Variants in CDHR3 observed in about 807,000 individuals in gnomAD.
CDHR3 encodes cadherin related family member 3.
In CDHR3, 79 loss-of-function variants were observed where a neutral mutation model predicts 86.6. The ratio of observed to expected loss-of-function variants is 0.91; its 90% confidence interval spans 0.76 to 1.10. The LOEUF is 1.10. Ranked by LOEUF, CDHR3 falls within the 50% of genes least tolerant of loss-of-function variation. The pLI is 0.00. For missense variants in CDHR3, 1,081 were observed against 1,077.6 expected (o/e 1.00, Z -0.04); for synonymous variants, 421 against 402.4 (o/e 1.05, Z -0.55).
At chr7:105,988,320 C>T (rs571496511) in intron 4 of CDHR3, among the ~76,000 whole-genome samples, 15 of 152,264 alleles carry the variant, frequency 9.9e-5, no homozygotes, top group South Asian at 6.2e-4. Context: ...CAAACCTCCC[C>T]GGTGATTCTG....
At position 106,020,503 on chromosome 7, in the gene CDHR3, T is replaced by C. The variant is rs1563298470; in HGVS notation, c.1784T>C (p.Leu595Pro). Residue 595 changes from leucine to proline, a missense_variant, in exon 13 of 19, where the codon CTT becomes CCT. Leu to Pro is a moderately conservative substitution (Grantham distance 98, BLOSUM62 -3). Coordinates refer to ENST00000317716, the MANE Select transcript of CDHR3 (RefSeq NM_152750.5). ...AATTTCAAGCTGACATGTACCGACC[T>C]TGATTCCAGCCCCAGATCTTTCCGT... The part of the protein sequence containing the change: ...IQNFKLTCTD[L>P]DSSPRSFRYS... 6.2e-7 allele frequency: 1 copy of C among 1,613,976 alleles called. No homozygotes were observed. Among genetic ancestry groups the C allele is most frequent in the Admixed American group, 1.7e-5 (1 of 60,020 alleles).
intron 2 of CDHR3, among the ~76,000 whole-genome samples, chr7:105,977,264 T>C (rs1297914494): frequency 6.6e-6 from 1 of 152,258 alleles, no homozygotes; most frequent in African/African-American, 2.4e-5. Context: ...TTCAGTCTCC[T>C]GATTTCCAGT....
intron 7 of CDHR3, among the ~76,000 whole-genome samples, chr7:106,003,989 C>CAAAAAAAAAAAAAAAAAAAAAAGAAAA (rs1833588298): frequency 1.3e-5 from 1 of 79,950 alleles, no homozygotes. Flanking sequence ...CCAACCTAAC[C>CAAAAAAAAAAAAAAAAAAAAAAGAAAA]AAAAAAAAAA....
chr7:106,010,003 G>A (rs1160502635), intron 8 of CDHR3, among the ~76,000 whole-genome samples: 1 of 152,198 alleles, frequency 6.6e-6, no homozygotes, highest in Non-Finnish European at 1.5e-5. Context: ...GGCGTTTAGG[G>A]GAAGAATACC....
intron 15 of CDHR3, among the ~76,000 whole-genome samples, chr7:106,026,395 G>A (rs557030445): frequency 6.6e-6 from 1 of 152,294 alleles, no homozygotes; most frequent in East Asian, 1.9e-4. Flanking sequence ...GTCCTCACCA[G>A]GTTTTCTCAT....
chr7:105,986,833 G>T (rs1206480466), intron 4 of CDHR3, among the ~76,000 whole-genome samples: 11 of 152,140 alleles, frequency 7.2e-5, no homozygotes, highest in Admixed American at 7.2e-4. Flanking sequence ...CTTCAGGGGA[G>T]AAAGTTGGGA....
At chr7:105,988,407 G>A (rs956560055) in intron 4 of CDHR3, among the ~76,000 whole-genome samples, 31 of 152,222 alleles carry the variant, frequency 2.0e-4, no homozygotes, top group Admixed American at 1.7e-3. Context: ...GCACATGCCT[G>A]AAGCGACCTA....
intron 6 of CDHR3, among the ~76,000 whole-genome samples, chr7:105,998,622 T>C (rs1832640786): frequency 6.6e-6 from 1 of 152,112 alleles, no homozygotes; most frequent in South Asian, 2.1e-4. Context: ...TGAAACCCTG[T>C]TTCTACTAAA....
intron 2 of CDHR3, among the ~76,000 whole-genome samples, chr7:105,979,377 C>A (rs919010195): frequency 4.6e-5 from 7 of 152,064 alleles, no homozygotes; most frequent in Non-Finnish European, 2.9e-5. Context: ...CCTCTTTTTC[C>A]CCCCTCGACA....
chr7:106,030,946 C>T lies in CDHR3; in HGVS notation c.2353+106C>T, dbSNP rs958366167. The T allele has an allele frequency of 5.4e-5, 62 of 1,143,768 alleles. No homozygotes were observed. Among genetic ancestry groups the T allele is most frequent in the Admixed American group, 1.4e-4 (7 of 49,786 alleles). 70.9% of individuals were successfully genotyped at this position (1,143,768 alleles called of 1,614,324 possible). ...CTGCTTTTAGCTCATTTTGTCAATC[C>T]GTTTGGCTATGTTGCCTATATAGTG... is the stretch of plus-strand genomic sequence containing the variant. On this transcript the variant is annotated intron_variant, in intron 18 of 18. Transcript: ENST00000317716. The surrounding 1 kb of genome is among the most constrained non-coding windows in gnomAD (Gnocchi z 4.8).
intron 3 of CDHR3, 63 bp downstream of exon 3, chr7:105,981,196 C>A: frequency 6.8e-7 from 1 of 1,476,416 alleles, no homozygotes; most frequent in Admixed American, 2.2e-5. Flanking sequence ...CCCTGGGGGA[C>A]AGAGAGAAAC....
intron 6 of CDHR3, among the ~76,000 whole-genome samples, chr7:106,001,138 C>T (rs1216801563): frequency 6.6e-6 from 1 of 152,130 alleles, no homozygotes; most frequent in African/African-American, 2.4e-5. Context: ...GCTGGATAGG[C>T]CACCTGTCCT....
chr7:105,969,262 G>A (rs1827513440), intron 1 of CDHR3, among the ~76,000 whole-genome samples: 1 of 150,624 alleles, frequency 6.6e-6, no homozygotes, highest in Non-Finnish European at 1.5e-5. Context: ...AGCCGGGCGA[G>A]GTGGCGGGCG....
chr7:105,983,885 C>G (rs953504130), intron 3 of CDHR3, among the ~76,000 whole-genome samples: 11 of 152,158 alleles, frequency 7.2e-5, no homozygotes, highest in Admixed American at 3.9e-4. Flanking sequence ...TACTTCCCAA[C>G]TCTCTGCCCT....
rs1838789770 is a variant in CDHR3 at position 106,034,984 on chromosome 7, C to T, written c.*2287C>T. Among the ~76,000 whole-genome samples the T allele has an allele frequency of 6.6e-6, 1 of 151,310 alleles. No individual in the cohort carries two copies. The highest frequency in any genetic ancestry group is 1.5e-5 in the Non-Finnish European group (1 of 67,960). On this transcript the variant is annotated 3_prime_UTR_variant, in exon 19 of 19. Transcript: ENST00000317716. ...ATCCCAGCTACTCAGGAGGCTGAGG[C>T]AAGAGAATCGCTTGAACCCAGGAGG...
rs1838696723 is a variant in CDHR3, at chr7:106,033,856, A to G, written c.*1159A>G. 1 of 152,202 alleles carries G rather than the reference A, an allele frequency of 6.6e-6. No individual in the cohort carries two copies. The highest frequency in any genetic ancestry group is 1.5e-5 in the Non-Finnish European group (1 of 68,030). 9.4% of individuals were successfully genotyped at this position (152,202 alleles called of 1,614,324 possible). A position where few individuals can be genotyped will look rare whatever the true frequency, so the allele number is the denominator to read the frequency against. On this transcript the variant is annotated 3_prime_UTR_variant, in exon 19 of 19. Coordinates refer to ENST00000317716, the MANE Select transcript of CDHR3 (RefSeq NM_152750.5). ...ATCTAAGAGTGGGATTGCTGGAGCAATTGCTGGATCTGCCAAAGAGTTCCA... is the reference window on the plus strand; with the variant it reads ...ATCTAAGAGTGGGATTGCTGGAGCAGTTGCTGGATCTGCCAAAGAGTTCCA...
intron 4 of CDHR3, among the ~76,000 whole-genome samples, chr7:105,992,070 G>A (rs11764661): frequency 0.12 from 17,657 of 151,992 alleles, 1,174 homozygotes; most frequent in African/African-American, 0.16. Flanking sequence ...CTCAGTTCCC[G>A]TCATATCCTG....
intron 12 of CDHR3, among the ~76,000 whole-genome samples, chr7:106,019,392 T>A (rs1836191302): frequency 1.3e-5 from 2 of 151,930 alleles, no homozygotes; most frequent in South Asian, 4.2e-4. Context: ...TAGGCTGTTT[T>A]TTTTTTTTTT....
chr7:105,987,994 G>A (rs899800996), intron 4 of CDHR3, among the ~76,000 whole-genome samples: 31 of 152,184 alleles, frequency 2.0e-4, no homozygotes, highest in African/African-American at 5.3e-4. Context: ...TGGCTCAGGT[G>A]ATCCTTCCAC....
Sources: gnomAD v4.1 joint callset for allele counts (sites outside exome capture counted in the v4.1 genomes callset) on GRCh38, gnomAD v4.1.1 for gene constraint, Gnocchi (gnomAD v3.1) non-coding constraint, MANE v1.5 for transcripts, NCBI Gene and HGNC (gene_info 2026-07-23, HGNC 2026-07-21) for gene names.